GBP5: variants seen among roughly 807,000 people sequenced by gnomAD.
GBP5 encodes the protein guanylate-binding protein 5.
Under a neutral mutation model 58.2 loss-of-function variants are expected in GBP5, and 48 were observed. The ratio of observed to expected loss-of-function variants is 0.83; its 90% CI spans 0.65 to 1.05. The LOEUF is 1.05. GBP5 is among the 50% of genes least tolerant of loss of function. The pLI is 0.00. For missense variants in GBP5, 714 were observed against 686.8 expected, an observed-to-expected ratio of 1.04 and a Z score of -0.44; for synonymous variants, 248 against 251.8, an observed-to-expected ratio of 0.98 and a Z score of 0.14.
At chr1:89,262,182 G>A (rs375247933) in intron 11 of GBP5, 38 bp downstream of exon 11, 6 of 1,596,878 alleles carry the variant, frequency 3.8e-6, no homozygotes, top group African/African-American at 2.7e-5. Context: ...TACTCTCATC[G>A]TTACAGGCAG....
Position 89,260,203 on chromosome 1 carries a change from G to GT in GBP5, c.*500dup, listed in dbSNP as rs1455345603. On this transcript the variant is annotated 3_prime_UTR_variant, in exon 12 of 12. Coordinates refer to ENST00000370459, the MANE Select transcript of GBP5 (RefSeq NM_052942.5). ...AGTTCACAATAGGGTTCCCACTCCT[G>GT]TGAGAATCTAATGTCACTGCTGATC... 1 of 155,266 alleles carries GT rather than the reference G, an allele frequency of 6.4e-6. No individual in the cohort carries two copies. Among genetic ancestry groups the GT allele is most frequent in the Non-Finnish European group, 1.4e-5 (1 of 70,140 alleles). 9.6% of individuals were successfully genotyped at this position (155,266 alleles called of 1,614,324 possible).
At chr1:89,266,212 A>C in intron 7 of GBP5, 134 bp downstream of exon 7, 1 of 740,396 alleles carries the variant, frequency 1.4e-6, no homozygotes, top group South Asian at 1.9e-5. Flanking sequence ...AACTTAATAA[A>C]TATGATACAT....
In GBP5 at chr1:89,269,358, C is replaced by T; in HGVS notation, c.190+8G>A. On this transcript the variant is annotated splice_region_variant and intron_variant, in intron 3 of 11. Transcript: ENST00000370459. ...AGGGTTTGGCAGAGCTTTGCTGGTACCACTCACCCTTGTTCTTCCCAGCCA... is the reference window on the plus strand; with the variant it reads ...AGGGTTTGGCAGAGCTTTGCTGGTATCACTCACCCTTGTTCTTCCCAGCCA... The T allele has an allele frequency of 3.7e-6, 6 of 1,613,310 alleles. No individual in the cohort carries two copies. Among genetic ancestry groups the T allele is most frequent in the Non-Finnish European group, 4.2e-6 (5 of 1,179,486 alleles).
rs141794180 is a variant in GBP5, at chr1:89,263,821, G to T, written c.1277C>A (p.Ser426Tyr). The T allele has an allele frequency of 1.1e-5, 18 of 1,613,518 alleles. No homozygotes were observed. The African/African-American group carries it at 2.1e-4, about 19-fold the overall frequency. ...LEEAVKQGIY[S>Y]KPGGHNLFIQ... is the part of the protein sequence containing the mutation. ...GAAGAGATTATGGCCTCCTGGCTTA[G>T]AATAAATTCCCTGCTTCACTGCTTC... The change falls in exon 9 of 12, where the codon TCT becomes TAT. Residue 426 changes from serine (S) to tyrosine (Y), a missense_variant. Coordinates refer to ENST00000370459, the MANE Select transcript of GBP5 (RefSeq NM_052942.5).
rs749849892 is a variant in GBP5 at position 89,257,242 on chromosome 1, T to C, written c.*3462A>G. 2.0e-5 allele frequency among the ~76,000 whole-genome samples: 3 copies of C among 152,160 alleles called. No homozygotes were observed. Among genetic ancestry groups the C allele is most frequent in the Non-Finnish European group, 2.9e-5 (2 of 68,030 alleles). ...ATGAAAGAGGAACAAAGGCACATCT[T>C]ACATGGTGTCAGGCAAGAGAGCATG... On this transcript the variant is annotated 3_prime_UTR_variant, in exon 12 of 12. Coordinates refer to ENST00000370459, the MANE Select transcript of GBP5 (RefSeq NM_052942.5).
In GBP5 at chr1:89,258,201, TG is replaced by T. The variant is rs943585497; in HGVS notation, c.*2502del. 9.9e-5 allele frequency among the ~76,000 whole-genome samples: 15 copies of T among 152,162 alleles called. No individual in the cohort carries two copies. Among genetic ancestry groups the T allele is most frequent in the African/African-American group, 3.6e-4 (15 of 41,502 alleles). ...AGCAGCATGCCTCTCTGGTTTTTGG[TG>T]GGGGAGATATAATAGCAAAAGTTAA... On this transcript the variant is annotated 3_prime_UTR_variant, in exon 12 of 12. Transcript: ENST00000370459.
intron 6 of GBP5, 122 bp downstream of exon 6, chr1:89,266,835 T>G: frequency 1.5e-6 from 1 of 652,358 alleles, no homozygotes; most frequent in Non-Finnish European, 2.4e-6. Context: ...TTATTTATTT[T>G]TTAGGAGAGC....
chr1:89,264,416 T>C (rs1038490888), intron 8 of GBP5, among the ~76,000 whole-genome samples: 2 of 152,232 alleles, frequency 1.3e-5, no homozygotes, highest in African/African-American at 4.8e-5. Flanking sequence ...ACTTTGTAAA[T>C]GCAACTGGCC....
intron 4 of GBP5, among the ~76,000 whole-genome samples, chr1:89,268,524 C>T (rs1650314264): frequency 6.6e-6 from 1 of 152,170 alleles, no homozygotes. Flanking sequence ...TCAACATCAA[C>T]ACTGCTCTTC....
chr1:89,261,365 CCTACAAACTGGCAAG>C (rs1311289298), intron 11 of GBP5, among the ~76,000 whole-genome samples: 1 of 152,138 alleles, frequency 6.6e-6, no homozygotes, highest in Non-Finnish European at 1.5e-5. Context: ...AAAACTAGTA[CCTACAAACTGGCAAG>C]CCAAGGGGAA....
chr1:89,262,682 C>T lies in GBP5; in HGVS notation c.1465+1G>A, dbSNP rs868042226. 1.9e-6 allele frequency: 3 copies of T among 1,584,698 alleles called. No individual in the cohort carries two copies. Among genetic ancestry groups the T allele is most frequent in the South Asian group, 1.1e-5 (1 of 90,434 alleles). On this transcript the variant is annotated splice_donor_variant, in intron 10 of 11. Transcript: ENST00000370459. LOFTEE classifies it high-confidence loss of function. ...TTGCATAATTTCCACTTTCTTCTCA[C>T]CTTTCTTCTTTTTTTCCGTCTCTGT...
At chr1:89,269,181 G>T (rs780233988) in intron 3 of GBP5, among the ~76,000 whole-genome samples, 185 bp downstream of exon 3, 1 of 151,854 alleles carries the variant, frequency 6.6e-6, no homozygotes, top group Non-Finnish European at 1.5e-5. Flanking sequence ...AAAAAAAAAA[G>T]AGGTGATATG....
At chr1:89,269,662 A>G (rs2100599327) in intron 2 of GBP5, 88 bp from the exon 3 acceptor site, 1 of 822,484 alleles carries the variant, frequency 1.2e-6, no homozygotes, top group Non-Finnish European at 2.0e-6. Flanking sequence ...ACCTGGGGAC[A>G]TACTACTCCC....
At chr1:89,261,577 A>G (rs567498564) in intron 11 of GBP5, among the ~76,000 whole-genome samples, 4 of 152,372 alleles carry the variant, frequency 2.6e-5, no homozygotes, top group South Asian at 4.1e-4. Context: ...ATGAGGACAC[A>G]GTAGTTCTGC....
rs371973500 is a variant in GBP5 at position 89,264,722 on chromosome 1, G to C, written c.1113C>G (p.Phe371Leu). The part of the protein sequence containing the change: ...EAIEVFMKNS[F>L]KDVDQSFQKE... ...TCTGGAAACTTTGGTCTACATCCTT[G>C]AAAGAGTTTTTCATGAAGACTTCAA... is the stretch of plus-strand genomic sequence containing the variant. Residue 371 changes from phenylalanine to leucine, a missense_variant, in exon 8 of 12, where the codon TTC becomes TTG. Phe to Leu is a conservative substitution (Grantham distance 22, BLOSUM62 0). Coordinates refer to ENST00000370459, the MANE Select transcript of GBP5 (RefSeq NM_052942.5). The C allele has an allele frequency of 2.5e-6, 4 of 1,614,026 alleles. No individual in the cohort carries two copies. Among genetic ancestry groups the C allele is most frequent in the Non-Finnish European group, 3.4e-6 (4 of 1,180,000 alleles).
At position 89,256,280 on chromosome 1, in the gene GBP5, A is replaced by C. The variant is rs1292832730; in HGVS notation, c.*4424T>G. Among the ~76,000 whole-genome samples, 1 of 152,220 alleles carries C rather than the reference A, an allele frequency of 6.6e-6. No individual in the cohort carries two copies. Among genetic ancestry groups the C allele is most frequent in the Non-Finnish European group, 1.5e-5 (1 of 68,034 alleles). On this transcript the variant is annotated 3_prime_UTR_variant, in exon 12 of 12. Transcript: ENST00000370459. ...TTCCATTTAAATAAAGTTTGAAAAC[A>C]GGCCAAACAAAATTACATTACTTAG...
At chr1:89,263,009 A>G in intron 9 of GBP5, 1 of 387,556 alleles carries the variant, frequency 2.6e-6, no homozygotes, top group East Asian at 4.5e-5. Context: ...TCCTGTCACA[A>G]GTTTGGCCAT....
chr1:89,264,670 G>C lies in GBP5; in HGVS notation c.1149+16C>G. 1 of 1,608,816 alleles carries C rather than the reference G, an allele frequency of 6.2e-7. No homozygotes were observed. Among genetic ancestry groups the C allele is most frequent in the Non-Finnish European group, 8.5e-7 (1 of 1,175,804 alleles). ...TCTTGACCTTAATCCCCATGAACTA[G>C]AAACAAAAATATCACCTCCAATTCT... On this transcript the variant is annotated intron_variant, in intron 8 of 11. Transcript: ENST00000370459.
chr1:89,262,761 A>G lies in GBP5; in HGVS notation c.1387T>C (p.Leu463=). The G allele has an allele frequency of 6.4e-7, 1 of 1,573,776 alleles. No homozygotes were observed. Among genetic ancestry groups the G allele is most frequent in the Non-Finnish European group, 8.6e-7 (1 of 1,167,606 alleles). Reference sequence around the variant, plus strand: ...TGACTCACAGACTCCTTGGACTTTAAATATTTCTGCAGAACTTCTTCAGCC... The same window carrying G: ...TGACTCACAGACTCCTTGGACTTTAGATATTTCTGCAGAACTTCTTCAGCC... ...IQAEEVLQKY[L]KSKESVSHAI... The change falls in exon 10 of 12, where the codon TTA becomes CTA. Residue 463 remains leucine (L), a synonymous_variant. Transcript: ENST00000370459.
Sources: allele counts gnomAD v4.1 joint callset (sites outside exome capture counted in the v4.1 genomes callset), GRCh38; gene constraint gnomAD v4.1.1; transcripts MANE v1.5; gene names NCBI Gene and HGNC (gene_info 2026-07-23, HGNC 2026-07-21).